The following GRID2 variants were observed in gnomAD, a reference collection of about 807,000 sequenced individuals.
The protein encoded by GRID2 is glutamate ionotropic receptor delta type subunit 2.
GRID2 carries 33 observed loss-of-function variants against 114.8 expected under a neutral mutation model. That is an observed-to-expected ratio of 0.29 (90% CI 0.22 to 0.38). The LOEUF (loss-of-function observed/expected upper bound fraction) is 0.38. Among genes scored for constraint, GRID2 ranks in the 10% least tolerant of loss-of-function variants. GRID2 has a pLI of 1.00. For missense variants in GRID2, 1,184 were observed against 1,257.7 expected, an observed-to-expected ratio of 0.94 and a Z score of 0.89; for synonymous variants, 505 against 449.9, an observed-to-expected ratio of 1.12 and a Z score of -1.55.
chr4:92,564,159 A>G (rs1405624520), intron 1 of GRID2, among the ~76,000 whole-genome samples: 1 of 152,042 alleles, frequency 6.6e-6, no homozygotes, highest in Non-Finnish European at 1.5e-5. Flanking sequence ...ATGAAATAAG[A>G]AATTATGTCT....
At chr4:92,902,616 A>G (rs897968170) in intron 2 of GRID2, among the ~76,000 whole-genome samples, 1 of 151,970 alleles carries the variant, frequency 6.6e-6, no homozygotes, top group Non-Finnish European at 1.5e-5. Context: ...TAGTATTTTT[A>G]TAGTTACAGG....
chr4:93,678,661 C>A (rs543629664), intron 14 of GRID2, among the ~76,000 whole-genome samples: 2 of 152,132 alleles, frequency 1.3e-5, no homozygotes, highest in South Asian at 4.1e-4. Context: ...ACCAGAATTT[C>A]ATATCCAGCC....
At chr4:93,182,497 G>C (rs1250101452) in intron 4 of GRID2, among the ~76,000 whole-genome samples, 1 of 151,990 alleles carries the variant, frequency 6.6e-6, no homozygotes, top group African/African-American at 2.4e-5. Context: ...AGTCATATAG[G>C]CAACTCCTAA....
At position 93,331,566 on chromosome 4, in the gene GRID2, C is replaced by T. The variant is rs1758460747; in HGVS notation, c.1246-64041C>T. ...CTGGCATTCTCCACCAGAATATAAT[C>T]TCCAAAAGTATATGATTTTAATCAG... On this transcript the variant is annotated intron_variant, in intron 8 of 15. Transcript: ENST00000282020. Among the ~76,000 whole-genome samples the T allele has an allele frequency of 2.0e-5, 3 of 152,006 alleles. No homozygotes were observed. The South Asian group carries it at 6.2e-4, about 31-fold the overall frequency.
chr4:92,764,222 G>A (rs1379975311), intron 2 of GRID2, among the ~76,000 whole-genome samples: 3 of 152,082 alleles, frequency 2.0e-5, no homozygotes, highest in African/African-American at 4.8e-5. Flanking sequence ...GAGGGAGGCT[G>A]GCAAACACAT....
intron 2 of GRID2, among the ~76,000 whole-genome samples, chr4:92,762,161 C>T (rs372697272): frequency 6.6e-6 from 1 of 152,108 alleles, no homozygotes; most frequent in African/African-American, 2.4e-5. Flanking sequence ...GATCCACCCC[C>T]CTCAGCCTCC....
chr4:93,249,634 C>A (rs1249614638), intron 8 of GRID2, among the ~76,000 whole-genome samples: 3 of 151,886 alleles, frequency 2.0e-5, no homozygotes, highest in African/African-American at 7.3e-5. Context: ...CAAAAAGGAA[C>A]TTAAACAAAT....
chr4:93,125,972 GAAT>G (rs1036814002), intron 4 of GRID2, among the ~76,000 whole-genome samples: 1 of 152,068 alleles, frequency 6.6e-6, no homozygotes, highest in African/African-American at 2.4e-5. Context: ...AAAATATTTT[GAAT>G]AACATTCCCA....
intron 2 of GRID2, among the ~76,000 whole-genome samples, chr4:93,070,829 G>A (rs1222449909): frequency 6.6e-6 from 1 of 151,958 alleles, no homozygotes; most frequent in Non-Finnish European, 1.5e-5. Flanking sequence ...GAATAAACAG[G>A]CAACAGACTG....
At chr4:93,526,367 A>G (rs1238639585) in intron 13 of GRID2, among the ~76,000 whole-genome samples, 1 of 152,150 alleles carries the variant, frequency 6.6e-6, no homozygotes, top group Admixed American at 6.5e-5. Flanking sequence ...TCTTTTCTTT[A>G]TCAATTACCC....
chr4:93,766,241 T>G, intron 14 of GRID2, among the ~76,000 whole-genome samples: 1 of 152,134 alleles, frequency 6.6e-6, no homozygotes. Flanking sequence ...TACCCAAGAC[T>G]GGGTAGTTTA....
chr4:93,032,834 C>G (rs1192686966), intron 2 of GRID2, among the ~76,000 whole-genome samples: 1 of 152,082 alleles, frequency 6.6e-6, no homozygotes, highest in Non-Finnish European at 1.5e-5. Flanking sequence ...ATGAAAGTAG[C>G]CTAACACCCA....
rs183398536 is a variant in GRID2, at chr4:92,925,095, G to T, written c.245-159900G>T. Reference sequence around the variant, plus strand: ...ACACGTGGTGTCTTTGCTCAACTAGGTTAGTTTTCCACACCTTCCTGTAAC... The same window carrying T: ...ACACGTGGTGTCTTTGCTCAACTAGTTTAGTTTTCCACACCTTCCTGTAAC... On this transcript the variant is annotated intron_variant, in intron 2 of 15. Coordinates refer to ENST00000282020, the MANE Select transcript of GRID2 (RefSeq NM_001510.4). Among the ~76,000 whole-genome samples the T allele has an allele frequency of 2.6e-5, 4 of 152,116 alleles. No homozygotes were observed. In the South Asian group the frequency reaches 6.2e-4, roughly 24 times the overall value.
At chr4:93,373,488 G>T (rs1342260200) in intron 8 of GRID2, among the ~76,000 whole-genome samples, 1 of 151,794 alleles carries the variant, frequency 6.6e-6, no homozygotes, top group Non-Finnish European at 1.5e-5. Flanking sequence ...CTTATTTATT[G>T]CCTCTCCAAC....
rs572265394 is a variant in GRID2 at position 93,540,020 on chromosome 4, C to G, written c.2193+24609C>G. On this transcript the variant is annotated intron_variant, in intron 13 of 15. Coordinates refer to ENST00000282020, the MANE Select transcript of GRID2 (RefSeq NM_001510.4). ...TCAATTATCTATTTTTAGTTTCTTTCTGGAGTTCCTAGTATTTATATTTAA... is the reference window on the plus strand; with the variant it reads ...TCAATTATCTATTTTTAGTTTCTTTGTGGAGTTCCTAGTATTTATATTTAA... Among the ~76,000 whole-genome samples, 43 of 151,936 alleles carry G rather than the reference C, an allele frequency of 2.8e-4. No homozygotes were observed. In the South Asian group the frequency reaches 8.5e-3, roughly 30 times the overall value.
At chr4:92,494,366 G>A (rs1723289826) in intron 1 of GRID2, among the ~76,000 whole-genome samples, 1 of 151,866 alleles carries the variant, frequency 6.6e-6, no homozygotes, top group South Asian at 2.1e-4. Context: ...CATGTATAAA[G>A]GAGGGAATTT....
chr4:92,800,666 G>A (rs1251141208), intron 2 of GRID2, among the ~76,000 whole-genome samples: 1 of 151,860 alleles, frequency 6.6e-6, no homozygotes, highest in Non-Finnish European at 1.5e-5. Flanking sequence ...AAGCATAATA[G>A]GACGATCTTC....
chr4:92,494,437 C>T (rs540261813), intron 1 of GRID2, among the ~76,000 whole-genome samples: 7 of 152,050 alleles, frequency 4.6e-5, no homozygotes, highest in Non-Finnish European at 1.0e-4. Flanking sequence ...ATTATATAGA[C>T]ACAGAAACAT....
intron 1 of GRID2, among the ~76,000 whole-genome samples, chr4:92,553,456 ACTC>A (rs1395202550): frequency 1.3e-4 from 19 of 151,748 alleles, no homozygotes; most frequent in African/African-American, 3.4e-4. Flanking sequence ...GTCATTTATG[ACTC>A]CTCCTGCATT....
Sources: gnomAD v4.1 joint callset for allele counts (sites outside exome capture counted in the v4.1 genomes callset) on GRCh38, gnomAD v4.1.1 for gene constraint, MANE v1.5 for transcripts, NCBI Gene and HGNC (gene_info 2026-07-23, HGNC 2026-07-21) for gene names.